The following TFEC variants were observed in gnomAD, a reference collection of about 807,000 sequenced individuals.
TFEC encodes transcription factor EC.
Under a neutral mutation model 41.6 loss-of-function variants are expected in TFEC, and 31 were observed. That is an observed-to-expected ratio of 0.74 (90% CI 0.56 to 1.01). The LOEUF (loss-of-function observed/expected upper bound fraction) is 1.01. Among genes scored for constraint, TFEC ranks in the 50% least tolerant of loss-of-function variants. The pLI, the probability that TFEC is intolerant of heterozygous loss-of-function variation, is 0.00. For missense variants in TFEC, 402 were observed against 404.1 expected (o/e 0.99, Z 0.04); for synonymous variants, 143 against 140.6 (o/e 1.02, Z -0.12).
At position 115,937,892 on chromosome 7, in the gene TFEC, G is replaced by A. The variant is rs1263661268; in HGVS notation, c.*2659C>T. On this transcript the variant is annotated 3_prime_UTR_variant, in exon 8 of 8. Transcript: ENST00000265440. ...AGTTCTATACTTTTCTAGGGAGAGGGTCTATAACTCACTAGATTCTCAAGG... is the reference window on the plus strand; with the variant it reads ...AGTTCTATACTTTTCTAGGGAGAGGATCTATAACTCACTAGATTCTCAAGG... 1 of 151,692 alleles carries A rather than the reference G, an allele frequency of 6.6e-6. No homozygotes were observed. The highest frequency in any genetic ancestry group is 6.6e-5 in the Admixed American group (1 of 15,192). The allele number at this position is 151,692 out of a possible 1,614,324, so 9.4% of individuals were successfully genotyped here. A position where few individuals can be genotyped will look rare whatever the true frequency, so the allele number is the denominator to read the frequency against.
At chr7:116,110,417 T>G (rs895193816) in intron 3 of TFEC, among the ~76,000 whole-genome samples, 2 of 152,072 alleles carry the variant, frequency 1.3e-5, no homozygotes, top group Non-Finnish European at 2.9e-5. Flanking sequence ...TATCAAGTAG[T>G]AGTTGTATCA....
chr7:116,101,207 A>G (rs1257103864), intron 3 of TFEC, among the ~76,000 whole-genome samples: 3 of 135,342 alleles, frequency 2.2e-5, no homozygotes, highest in Non-Finnish European at 4.7e-5. Context: ...CAAAAAAAAG[A>G]AAAAGGAAAA....
At chr7:116,056,936 AT>A (rs1441901819) in intron 3 of TFEC, among the ~76,000 whole-genome samples, 1 of 152,072 alleles carries the variant, frequency 6.6e-6, no homozygotes, top group Non-Finnish European at 1.5e-5. Flanking sequence ...TGTATTCCAT[AT>A]GTTTAGAAAA....
Position 116,098,594 on chromosome 7 carries a change from A to C in TFEC, c.198+12114T>G, listed in dbSNP as rs146728542. Among the ~76,000 whole-genome samples, 679 of 152,276 alleles carry C rather than the reference A, an allele frequency of 4.5e-3. 4 individuals are homozygous for C. Among genetic ancestry groups the C allele is most frequent in the South Asian group, 0.023 (109 of 4,804 alleles). On this transcript the variant is annotated intron_variant, in intron 3 of 8. Transcript: ENST00000484212. ...AAGGAAAACTGAGAGAACTGAAAGA[A>C]AAATAGACAAATCCACAATTTTAGT...
chr7:115,965,638 T>C (rs1288162731), intron 3 of TFEC, among the ~76,000 whole-genome samples: 2 of 151,704 alleles, frequency 1.3e-5, no homozygotes, highest in African/African-American at 4.8e-5. Context: ...TTTGAGACAA[T>C]ACATGTTTTC....
chr7:116,136,084 A>G (rs1798427450), intron 1 of TFEC, among the ~76,000 whole-genome samples: 1 of 151,902 alleles, frequency 6.6e-6, no homozygotes, highest in Admixed American at 6.6e-5. Context: ...AATCCTTTCT[A>G]TATGTTTCTC....
At chr7:116,027,148 G>C (rs1035903480) in intron 1 of TFEC, among the ~76,000 whole-genome samples, 11 of 152,148 alleles carry the variant, frequency 7.2e-5, no homozygotes, top group Non-Finnish European at 1.2e-4. Flanking sequence ...ACATTGGCAG[G>C]GATAAATACC....
chr7:116,005,046 C>T (rs1258788491), intron 1 of TFEC, among the ~76,000 whole-genome samples: 2 of 152,172 alleles, frequency 1.3e-5, no homozygotes. Flanking sequence ...ATGCCTTTCA[C>T]CTTCCACTAT....
chr7:116,075,364 G>C (rs76613089), intron 3 of TFEC, among the ~76,000 whole-genome samples: 1 of 152,150 alleles, frequency 6.6e-6, no homozygotes, highest in Non-Finnish European at 1.5e-5. Flanking sequence ...TGGAGAGAAA[G>C]CTGAGGGAAT....
At position 116,087,313 on chromosome 7, in the gene TFEC, G is replaced by T. The variant is rs557498051; in HGVS notation, c.198+23395C>A. Among the ~76,000 whole-genome samples, 3 of 151,924 alleles carry T rather than the reference G, an allele frequency of 2.0e-5. No homozygotes were observed. In the South Asian group the frequency reaches 6.2e-4, roughly 32 times the overall value. On this transcript the variant is annotated intron_variant, in intron 3 of 8. Transcript: ENST00000484212. ...CTTTGTCTTCTAAGGGACTGTTACA[G>T]GTGAAAATTAAGAAATAAAAATTAT...
At chr7:115,954,531 T>C in intron 5 of TFEC, 55 bp downstream of exon 5, 3 of 1,480,328 alleles carry the variant, frequency 2.0e-6, no homozygotes, top group Non-Finnish European at 2.8e-6. Context: ...CCACACACCT[T>C]AACCTCTATG....
At chr7:116,151,865 T>C (rs1435680686) in intron 1 of TFEC, among the ~76,000 whole-genome samples, 1 of 152,144 alleles carries the variant, frequency 6.6e-6, no homozygotes, top group Non-Finnish European at 1.5e-5. Context: ...TTGTTTTCCA[T>C]CCATACTAAT....
intron 2 of TFEC, among the ~76,000 whole-genome samples, chr7:115,981,088 GT>G (rs1164406509): frequency 6.6e-6 from 1 of 152,034 alleles, no homozygotes; most frequent in African/African-American, 2.4e-5. Context: ...TTGGAATCAT[GT>G]TCTAAGTTCC....
At chr7:116,131,281 T>C (rs923105201) in intron 1 of TFEC, among the ~76,000 whole-genome samples, 1 of 152,206 alleles carries the variant, frequency 6.6e-6, no homozygotes, top group African/African-American at 2.4e-5. Flanking sequence ...ATAAATATTT[T>C]AGACAGGATA....
chr7:115,975,140 A>G (rs189301881), intron 2 of TFEC, among the ~76,000 whole-genome samples: 144 of 152,170 alleles, frequency 9.5e-4, no homozygotes, highest in African/African-American at 3.1e-3. Flanking sequence ...GTTCTTTTCT[A>G]AAATAGAAAC....
chr7:116,133,834 G>A (rs1253545440), intron 1 of TFEC, among the ~76,000 whole-genome samples: 1 of 152,138 alleles, frequency 6.6e-6, no homozygotes, highest in Non-Finnish European at 1.5e-5. Flanking sequence ...ACATCTTTAA[G>A]ATTAGAGAGC....
intron 3 of TFEC, among the ~76,000 whole-genome samples, chr7:116,106,400 T>G (rs1172028200): frequency 6.6e-6 from 1 of 151,880 alleles, no homozygotes; most frequent in African/African-American, 2.4e-5. Context: ...TTGTTTGTTT[T>G]TTGAAACAGA....
Position 116,029,708 on chromosome 7 carries a change from A to ATGC in TFEC, c.-73+924_-73+925insGCA, listed in dbSNP as rs1364804131. Among the ~76,000 whole-genome samples the ATGC allele has an allele frequency of 5.9e-5, 9 of 152,068 alleles. No individual in the cohort carries two copies. The East Asian group carries it at 1.7e-3, about 29-fold the overall frequency. ...AAATGTATATATACAGCATATATAT[A>ATGC]TGTATGTACATGTGTATAAATATCT... On this transcript the variant is annotated intron_variant, in intron 1 of 7. Transcript: ENST00000265440.
At chr7:116,140,055 T>C (rs761292704) in intron 1 of TFEC, among the ~76,000 whole-genome samples, 1 of 152,228 alleles carries the variant, frequency 6.6e-6, no homozygotes, top group Non-Finnish European at 1.5e-5. Context: ...AATATCATCA[T>C]AGCAGGTTAA....
Sources: gnomAD v4.1 joint callset for allele counts (sites outside exome capture counted in the v4.1 genomes callset) on GRCh38, gnomAD v4.1.1 for gene constraint, MANE v1.5 for transcripts, NCBI Gene and HGNC (gene_info 2026-07-23, HGNC 2026-07-21) for gene names.